The following RIN2 variants were observed in gnomAD, a reference collection of about 807,000 sequenced individuals.
RIN2 encodes the protein RAB5 interacting protein 2.
Under a neutral mutation model 78.0 loss-of-function variants are expected in RIN2, and 36 were observed. The ratio of observed to expected loss-of-function variants is 0.46; its 90% CI spans 0.35 to 0.61. The LOEUF (loss-of-function observed/expected upper bound fraction) is 0.61, where lower values mean the gene tolerates loss of function less well. RIN2 is among the 20% of genes least tolerant of loss of function. RIN2 has a pLI of 0.00. For missense variants in RIN2, 1,087 were observed against 1,159.7 expected (o/e 0.94, Z 0.91); for synonymous variants, 466 against 466.8 (o/e 1.00, Z 0.02).
At position 19,782,290 on chromosome 20, in the gene RIN2, C is replaced by T. The variant is rs529778575; in HGVS notation, c.-162-17332C>T. Reference sequence around the variant, plus strand: ...TACGTATTTTAAAATGTTAGCCAGCCGTGGTGGCTCACGCCTGTAATCCCG... The same window carrying T: ...TACGTATTTTAAAATGTTAGCCAGCTGTGGTGGCTCACGCCTGTAATCCCG... On this transcript the variant is annotated intron_variant, in intron 1 of 12. Coordinates refer to ENST00000255006, the MANE Select transcript of RIN2 (RefSeq NM_018993.4). Among the ~76,000 whole-genome samples, 8 of 152,288 alleles carry T rather than the reference C, an allele frequency of 5.3e-5. No individual in the cohort carries two copies. The South Asian group carries it at 8.3e-4, about 16-fold the overall frequency.
chr20:19,775,015 G>A (rs554347351), intron 1 of RIN2, among the ~76,000 whole-genome samples: 14 of 152,314 alleles, frequency 9.2e-5, no homozygotes, highest in African/African-American at 3.4e-4. Flanking sequence ...TATTTAAGGA[G>A]ATGATCAATC....
At chr20:19,886,612 CTTTTTTTTTTT>C (rs11362637) in intron 2 of RIN2, 4 of 520,974 alleles carry the variant, frequency 7.7e-6, no homozygotes, top group African/African-American at 5.3e-5. Flanking sequence ...TCTTCTTCTT[CTTTTTTTTTTT>C]TTTTTTTTGC....
intron 2 of RIN2, among the ~76,000 whole-genome samples, chr20:19,841,646 T>A (rs2036579358): frequency 6.6e-6 from 1 of 152,168 alleles, no homozygotes; most frequent in African/African-American, 2.4e-5. Flanking sequence ...GGAAGGGAAC[T>A]GGGACCAATG....
In RIN2 at chr20:19,960,795, A is replaced by G. The variant is rs1057524446; in HGVS notation, c.447A>G (p.Ile149Met). The G allele has an allele frequency of 1.9e-6, 3 of 1,595,240 alleles. No homozygotes were observed. Among genetic ancestry groups the G allele is most frequent in the Non-Finnish European group, 2.6e-6 (3 of 1,170,080 alleles). The change falls in exon 6 of 13, where the codon ATA becomes ATG. Residue 149 changes from isoleucine (I) to methionine (M), a missense_variant. Physicochemically the swap from Ile to Met is conservative, Grantham distance 10. Around this residue, in one of 8 missense-constraint regions of RIN2, gnomAD observed 706 missense variants for 667.5 expected, o/e 1.06. Transcript: ENST00000255006. Reference protein sequence around the residue: ...EFGAPLKEFAIKESTYTFSLE... With the variant: ...EFGAPLKEFAMKESTYTFSLE... ...GGGCCCCACTCAAGGAATTTGCCAT[A>G]AAGGAAAGCACATACAGTAAGTGGT...
rs112434031 is a variant in RIN2 at position 19,899,203 on chromosome 20, C to T, written c.57+9545C>T. 4.4e-3 allele frequency among the ~76,000 whole-genome samples: 676 copies of T among 152,260 alleles called. 6 individuals are homozygous for T. The highest frequency in any genetic ancestry group is 0.024 in the South Asian group (116 of 4,832). The stretch of plus-strand genomic sequence containing the variant: ...TCAATGAGGTTGAAGAACTATGTGA[C>T]AGCTAGCTCTATGTTTATTGACTTA... On this transcript the variant is annotated intron_variant, in intron 3 of 12. Coordinates refer to ENST00000255006, the MANE Select transcript of RIN2 (RefSeq NM_018993.4).
At chr20:19,874,497 G>T (rs1388807472) in intron 2 of RIN2, among the ~76,000 whole-genome samples, 1 of 152,184 alleles carries the variant, frequency 6.6e-6, no homozygotes, top group Non-Finnish European at 1.5e-5. Flanking sequence ...TAACCCAGAA[G>T]GGTGCTCAAG....
intron 2 of RIN2, chr20:19,824,014 C>T (rs909135942): frequency 1.2e-4 from 112 of 947,326 alleles, no homozygotes; most frequent in African/African-American, 2.0e-4. Context: ...TGGCCTCCTC[C>T]GAGCCGAAAG....
At chr20:19,984,729 T>C (rs1411031104) in intron 9 of RIN2, among the ~76,000 whole-genome samples, 2 of 152,146 alleles carry the variant, frequency 1.3e-5, no homozygotes, top group Non-Finnish European at 2.9e-5. Context: ...ATTGTGCCAC[T>C]GCACTCCAGC....
In RIN2 at chr20:19,917,617, T is replaced by C. The variant is rs540559594; in HGVS notation, c.58-17482T>C. ...GATTCGACTATATTATGTAAATCCA[T>C]ACATAAGTGCAGCCACAACTATTAC... On this transcript the variant is annotated intron_variant, in intron 3 of 12. Coordinates refer to ENST00000255006, the MANE Select transcript of RIN2 (RefSeq NM_018993.4). 5.3e-5 allele frequency among the ~76,000 whole-genome samples: 8 copies of C among 152,348 alleles called. No homozygotes were observed. The South Asian group carries it at 1.7e-3, about 32-fold the overall frequency.
chr20:19,855,725 A>C (rs1389217568), intron 2 of RIN2, among the ~76,000 whole-genome samples: 4 of 152,166 alleles, frequency 2.6e-5, no homozygotes, highest in Non-Finnish European at 4.4e-5. Flanking sequence ...AAACACCAAC[A>C]AGAGACTGGC....
intron 3 of RIN2, among the ~76,000 whole-genome samples, chr20:19,922,352 G>C (rs2039958619): frequency 6.6e-6 from 1 of 152,080 alleles, no homozygotes; most frequent in Admixed American, 6.6e-5. Context: ...ACCAGCTTTG[G>C]GGGATGCGCT....
At chr20:19,826,687 C>A (rs1038063779) in intron 2 of RIN2, among the ~76,000 whole-genome samples, 1 of 152,140 alleles carries the variant, frequency 6.6e-6, no homozygotes, top group Admixed American at 6.5e-5. Flanking sequence ...CTGTTCAATC[C>A]TTATCCTGGT....
At chr20:19,880,124 C>T (rs2037975723) in intron 2 of RIN2, among the ~76,000 whole-genome samples, 1 of 151,768 alleles carries the variant, frequency 6.6e-6, no homozygotes, top group African/African-American at 2.4e-5. Flanking sequence ...TGGTGCACAC[C>T]TGTGATCTCA....
intron 3 of RIN2, among the ~76,000 whole-genome samples, chr20:19,891,469 G>A (rs1199619748): frequency 1.3e-5 from 2 of 152,184 alleles, no homozygotes; most frequent in South Asian, 2.1e-4. Flanking sequence ...TGATGGTCAG[G>A]AAGCACAGTG....
intron 8 of RIN2, among the ~76,000 whole-genome samples, chr20:19,972,321 A>G (rs1363760600): frequency 6.6e-6 from 1 of 152,180 alleles, no homozygotes; most frequent in Non-Finnish European, 1.5e-5. Context: ...ACCTCTGTCC[A>G]CATAGCTCCA....
intron 6 of RIN2, among the ~76,000 whole-genome samples, chr20:19,962,631 A>G (rs75636353): frequency 0.031 from 4,678 of 152,332 alleles, 251 homozygotes; most frequent in African/African-American, 0.11. Flanking sequence ...CCTGGGTCCC[A>G]CTGCAATGGC....
At chr20:19,916,335 G>A (rs2039683940) in intron 3 of RIN2, among the ~76,000 whole-genome samples, 1 of 152,162 alleles carries the variant, frequency 6.6e-6, no homozygotes, top group South Asian at 2.1e-4. Flanking sequence ...TAAGAGTTTG[G>A]GGGCTGGGTG....
intron 1 of RIN2, among the ~76,000 whole-genome samples, chr20:19,774,759 A>G (rs936642707): frequency 2.0e-5 from 3 of 152,206 alleles, no homozygotes; most frequent in African/African-American, 7.2e-5. Flanking sequence ...ATGATGTAAT[A>G]GGATTTGGTG....
chr20:19,990,093 C>T lies in RIN2; in HGVS notation c.1850C>T (p.Ala617Val). ...GCCATGCTGAAGGACTTTCACATGGCCGATGGCTCATGGAAGCAACTCAAG... is the reference window on the plus strand; with the variant it reads ...GCCATGCTGAAGGACTTTCACATGGTCGATGGCTCATGGAAGCAACTCAAG... ...VEAMLKDFHMADGSWKQLKEN... is the reference protein window; with the variant it reads ...VEAMLKDFHMVDGSWKQLKEN... The change falls in exon 10 of 13, where the codon GCC becomes GTC. Residue 617 changes from alanine (A) to valine (V), a missense_variant. By Grantham distance (64) the Ala-to-Val change is moderately conservative. Around this residue, in one of 8 missense-constraint regions of RIN2, gnomAD observed 97 missense variants for 104.8 expected, o/e 0.93. Coordinates refer to ENST00000255006, the MANE Select transcript of RIN2 (RefSeq NM_018993.4). 1.9e-6 allele frequency: 3 copies of T among 1,599,062 alleles called. No individual in the cohort carries two copies. The highest frequency in any genetic ancestry group is 2.6e-6 in the Non-Finnish European group (3 of 1,172,760).
Sources: allele counts gnomAD v4.1 joint callset (sites outside exome capture counted in the v4.1 genomes callset), GRCh38; gene constraint gnomAD v4.1.1; regional missense constraint gnomAD v4.1.1; transcripts MANE v1.5; gene names NCBI Gene and HGNC (gene_info 2026-07-23, HGNC 2026-07-21).